CNTNAP5: variants seen among roughly 807,000 people sequenced by gnomAD.
CNTNAP5 encodes the protein contactin-associated protein-like 5.
Under a neutral mutation model 150.2 loss-of-function variants are expected in CNTNAP5, and 72 were observed. That is an observed-to-expected ratio of 0.48 (90% CI 0.40 to 0.58). The LOEUF (loss-of-function observed/expected upper bound fraction) is 0.58. Ranked by LOEUF, CNTNAP5 falls within the 20% of genes least tolerant of loss-of-function variation. The pLI, the probability that CNTNAP5 is intolerant of heterozygous loss-of-function variation, is 0.00. For synonymous variants in CNTNAP5, 672 were observed against 619.8 expected (o/e 1.08, Z -1.25); for missense variants, 1,636 against 1,626.2 (o/e 1.01, Z -0.10).
At chr2:124,149,616 G>T (rs1684354630) in intron 1 of CNTNAP5, among the ~76,000 whole-genome samples, 1 of 152,140 alleles carries the variant, frequency 6.6e-6, no homozygotes, top group Non-Finnish European at 1.5e-5. Context: ...AAAAGAAAAA[G>T]ACAGACTAAA....
At chr2:124,152,034 T>G (rs566305336) in intron 1 of CNTNAP5, among the ~76,000 whole-genome samples, 3 of 152,200 alleles carry the variant, frequency 2.0e-5, no homozygotes, top group African/African-American at 4.8e-5. Flanking sequence ...ATATGGTGAC[T>G]CATTAAATTA....
chr2:124,346,941 G>A (rs1042984743), intron 3 of CNTNAP5, among the ~76,000 whole-genome samples: 2 of 139,042 alleles, frequency 1.4e-5, no homozygotes, highest in African/African-American at 5.4e-5. Flanking sequence ...AAAATAGCTG[G>A]GCATGGTCAT....
At chr2:124,750,009 C>A (rs192197876) in intron 14 of CNTNAP5, among the ~76,000 whole-genome samples, 1 of 152,164 alleles carries the variant, frequency 6.6e-6, no homozygotes, top group Non-Finnish European at 1.5e-5. Flanking sequence ...TCACTCTGAA[C>A]CCCTCATCTG....
chr2:124,753,020 A>G (rs1420138351), intron 14 of CNTNAP5, among the ~76,000 whole-genome samples: 1 of 152,216 alleles, frequency 6.6e-6, no homozygotes, highest in African/African-American at 2.4e-5. Flanking sequence ...AAGCTCTTTT[A>G]CTTGGCAGTA....
intron 3 of CNTNAP5, among the ~76,000 whole-genome samples, chr2:124,400,537 ATC>A: frequency 2.0e-5 from 3 of 152,068 alleles, no homozygotes; most frequent in Non-Finnish European, 2.9e-5. Context: ...TTGCTGCAAT[ATC>A]ACTCCTTAAC....
At chr2:124,746,287 T>C (rs10179213) in intron 13 of CNTNAP5, among the ~76,000 whole-genome samples, 39,202 of 152,052 alleles carry the variant, frequency 0.26, 5,730 homozygotes, top group Non-Finnish European at 0.34. Context: ...ATGATAATTC[T>C]AAGCTACTGA....
intron 17 of CNTNAP5, chr2:124,778,417 A>T (rs1681373865): frequency 6.6e-6 from 1 of 152,280 alleles, no homozygotes; most frequent in South Asian, 2.1e-4. Context: ...GTTTTTTTTG[A>T]ACACATGCAC....
At chr2:124,057,448 A>ATTTTTTTTTTTTTTTTTTTTCTT (rs1681883464) in intron 1 of CNTNAP5, among the ~76,000 whole-genome samples, 1 of 62,826 alleles carries the variant, frequency 1.6e-5, no homozygotes. Flanking sequence ...CGGCCAGCTA[A>ATTTTTTTTTTTTTTTTTTTTCTT]TTTTTTTTTT....
At chr2:124,913,418 C>G (rs1678696973) in intron 23 of CNTNAP5, among the ~76,000 whole-genome samples, 1 of 151,956 alleles carries the variant, frequency 6.6e-6, no homozygotes, top group African/African-American at 2.4e-5. Flanking sequence ...TTAAATCACA[C>G]ACAGTCAGAA....
At chr2:124,856,182 A>G (rs549392067) in intron 19 of CNTNAP5, among the ~76,000 whole-genome samples, 18 of 152,188 alleles carry the variant, frequency 1.2e-4, no homozygotes, top group Admixed American at 9.8e-4. Flanking sequence ...ACTAGTTGAT[A>G]AAGAATATAT....
intron 1 of CNTNAP5, among the ~76,000 whole-genome samples, chr2:124,107,580 G>A (rs1374042148): frequency 6.6e-6 from 1 of 152,166 alleles, no homozygotes; most frequent in Non-Finnish European, 1.5e-5. Flanking sequence ...TGATTAGATT[G>A]TGTAGTAGAA....
At chr2:124,532,017 AG>A (rs1179861216) in intron 10 of CNTNAP5, among the ~76,000 whole-genome samples, 1 of 152,132 alleles carries the variant, frequency 6.6e-6, no homozygotes, top group Non-Finnish European at 1.5e-5. Context: ...AATGGTTTAC[AG>A]TTTACAGATT....
chr2:124,262,687 A>C (rs1407261682), intron 3 of CNTNAP5, among the ~76,000 whole-genome samples: 2 of 151,808 alleles, frequency 1.3e-5, no homozygotes, highest in Middle Eastern at 3.4e-3. Flanking sequence ...TCTAGGGTAC[A>C]TGTGCACAAC....
intron 22 of CNTNAP5, among the ~76,000 whole-genome samples, chr2:124,908,370 C>T (rs1678583796): frequency 6.8e-6 from 1 of 148,144 alleles, no homozygotes. Context: ...GACTCAGTCT[C>T]AATAAAAAGA....
At chr2:124,735,705 C>A (rs967058702) in intron 13 of CNTNAP5, among the ~76,000 whole-genome samples, 1 of 152,104 alleles carries the variant, frequency 6.6e-6, no homozygotes, top group African/African-American at 2.4e-5. Flanking sequence ...GGATTTGGAG[C>A]CATAAGATCT....
At chr2:124,613,663 G>A (rs921932963) in intron 12 of CNTNAP5, among the ~76,000 whole-genome samples, 5 of 152,132 alleles carry the variant, frequency 3.3e-5, no homozygotes, top group Non-Finnish European at 7.4e-5. Flanking sequence ...CCTGGGGAAC[G>A]TTAGCTCCCC....
intron 10 of CNTNAP5, among the ~76,000 whole-genome samples, chr2:124,539,638 C>A (rs116416955): frequency 2.0e-5 from 3 of 152,092 alleles, no homozygotes; most frequent in Admixed American, 2.0e-4. Context: ...ATATTATTCC[C>A]GCCTGCCTCT....
chr2:124,094,793 G>A (rs1682896975), intron 1 of CNTNAP5, among the ~76,000 whole-genome samples: 1 of 152,136 alleles, frequency 6.6e-6, no homozygotes, highest in South Asian at 2.1e-4. Flanking sequence ...GGTGAGATGG[G>A]CACCAGCTGT....
intron 19 of CNTNAP5, among the ~76,000 whole-genome samples, chr2:124,800,180 A>G (rs563017705): frequency 6.6e-6 from 1 of 152,336 alleles, no homozygotes; most frequent in African/African-American, 2.4e-5. Flanking sequence ...TCTAAACAAT[A>G]TCATCCTCTA....
Sources: allele counts gnomAD v4.1 joint callset (sites outside exome capture counted in the v4.1 genomes callset), GRCh38; gene constraint gnomAD v4.1.1; transcripts MANE v1.5; gene names NCBI Gene and HGNC (gene_info 2026-07-23, HGNC 2026-07-21).